SGCZ: variants seen among roughly 807,000 people sequenced by gnomAD.
SGCZ encodes the protein zeta-sarcoglycan.
Under a neutral mutation model 41.3 loss-of-function variants are expected in SGCZ, and 40 were observed. That is an observed-to-expected ratio of 0.97 (90% CI 0.75 to 1.26). The LOEUF (loss-of-function observed/expected upper bound fraction) is 1.26, where lower values mean the gene tolerates loss of function less well. SGCZ is among the 50% of genes most tolerant of loss of function. SGCZ has a pLI of 0.00. For synonymous variants in SGCZ, 206 were observed against 137.5 expected (o/e 1.50, Z -3.49); for missense variants, 552 against 369.8 (o/e 1.49, Z -4.04).
chr8:14,274,624 C>T (rs184341304), intron 3 of SGCZ, among the ~76,000 whole-genome samples: 14 of 152,212 alleles, frequency 9.2e-5, no homozygotes, highest in East Asian at 5.8e-4. Flanking sequence ...AGTCCAGATA[C>T]GAGCTTATGG....
At chr8:14,521,898 T>G (rs1370220314) in intron 2 of SGCZ, among the ~76,000 whole-genome samples, 1 of 152,116 alleles carries the variant, frequency 6.6e-6, no homozygotes, top group East Asian at 1.9e-4. Context: ...GTAAGTTTGC[T>G]GTAGATGCTG....
intron 5 of SGCZ, among the ~76,000 whole-genome samples, chr8:14,146,665 G>C (rs934106765): frequency 2.6e-5 from 4 of 151,900 alleles, no homozygotes; most frequent in Admixed American, 2.6e-4. Flanking sequence ...GAGGTCAGGA[G>C]ATCGAGACCA....
chr8:14,308,965 T>C, intron 3 of SGCZ: 1 of 668,198 alleles, frequency 1.5e-6, no homozygotes. Flanking sequence ...ACTTCAGAGT[T>C]TCAGTGTCTT....
intron 5 of SGCZ, among the ~76,000 whole-genome samples, chr8:14,123,747 C>T (rs1405674222): frequency 6.6e-6 from 1 of 152,152 alleles, no homozygotes; most frequent in East Asian, 1.9e-4. Flanking sequence ...ATCTCCCCTG[C>T]CCTCAATGGT....
intron 1 of SGCZ, among the ~76,000 whole-genome samples, chr8:14,599,735 T>A (rs1367451452): frequency 6.6e-6 from 1 of 152,226 alleles, no homozygotes; most frequent in African/African-American, 2.4e-5. Flanking sequence ...CCTCTACTCT[T>A]TCTTTTTACT....
At chr8:14,259,085 G>T (rs891513761) in intron 3 of SGCZ, among the ~76,000 whole-genome samples, 1 of 152,052 alleles carries the variant, frequency 6.6e-6, no homozygotes, top group Non-Finnish European at 1.5e-5. Flanking sequence ...ATGAAAAAAG[G>T]CATTTAGCCT....
chr8:15,210,534 T>A (rs1362522436), intron 1 of SGCZ, among the ~76,000 whole-genome samples: 1 of 152,188 alleles, frequency 6.6e-6, no homozygotes, highest in East Asian at 1.9e-4. Flanking sequence ...ACCTGGCTCT[T>A]GGCTGTCTTC....
At chr8:14,398,095 A>G (rs1798969862) in intron 2 of SGCZ, among the ~76,000 whole-genome samples, 2 of 152,254 alleles carry the variant, frequency 1.3e-5, no homozygotes, top group South Asian at 4.1e-4. Flanking sequence ...GTGACCCTCA[A>G]TTGACATCAA....
chr8:14,601,444 G>C (rs1585115290), intron 1 of SGCZ, among the ~76,000 whole-genome samples: 1 of 149,046 alleles, frequency 6.7e-6, no homozygotes, highest in South Asian at 2.2e-4. Context: ...GTTTCTTGAA[G>C]TTGGTTCCTT....
chr8:14,178,165 G>A (rs529852536), intron 4 of SGCZ, among the ~76,000 whole-genome samples: 188 of 151,538 alleles, frequency 1.2e-3, no homozygotes, highest in Non-Finnish European at 1.7e-3. Context: ...TGTTGGCCAG[G>A]CTGGTCTCGA....
chr8:14,821,739 G>C (rs80147781), intron 1 of SGCZ, among the ~76,000 whole-genome samples: 6,335 of 151,842 alleles, frequency 0.042, 207 homozygotes, highest in African/African-American at 0.096. Context: ...AATAGAGGCA[G>C]AAAAAGCATT....
At chr8:14,205,068 T>A (rs937728088) in intron 4 of SGCZ, among the ~76,000 whole-genome samples, 4 of 152,230 alleles carry the variant, frequency 2.6e-5, no homozygotes, top group African/African-American at 9.6e-5. Flanking sequence ...TCTATACTAT[T>A]GGTTTTCTCT....
At chr8:14,571,569 T>A (rs1563123204) in intron 1 of SGCZ, among the ~76,000 whole-genome samples, 1 of 150,974 alleles carries the variant, frequency 6.6e-6, no homozygotes, top group Non-Finnish European at 1.5e-5. Context: ...ATGTATAAAT[T>A]TTTTTTTCTG....
chr8:14,087,046 G>T lies in SGCZ; in HGVS notation c.*3397C>A, dbSNP rs921887845. Among the ~76,000 whole-genome samples, 8 of 150,884 alleles carry T rather than the reference G, an allele frequency of 5.3e-5. No homozygotes were observed. Among genetic ancestry groups the T allele is most frequent in the African/African-American group, 1.7e-4 (7 of 41,320 alleles). ...GGCAGAACTAGAACTGGAATTGCTGGCTCCATTTTCCGAGATTTGAAGTAC... is the reference window on the plus strand; with the variant it reads ...GGCAGAACTAGAACTGGAATTGCTGTCTCCATTTTCCGAGATTTGAAGTAC... On this transcript the variant is annotated 3_prime_UTR_variant, in exon 8 of 8. Coordinates refer to ENST00000382080, the MANE Select transcript of SGCZ (RefSeq NM_139167.4).
intron 4 of SGCZ, among the ~76,000 whole-genome samples, chr8:14,165,814 A>G (rs1015277070): frequency 4.6e-5 from 7 of 152,112 alleles, no homozygotes; most frequent in Non-Finnish European, 1.0e-4. Context: ...AAACATCCTT[A>G]AATTGGGAGA....
intron 1 of SGCZ, among the ~76,000 whole-genome samples, chr8:14,776,587 G>C (rs1230161559): frequency 2.2e-5 from 3 of 134,316 alleles, no homozygotes; most frequent in Non-Finnish European, 4.6e-5. Flanking sequence ...TCAGCCTCCC[G>C]GGTTCAGGCC....
chr8:15,119,793 A>G (rs1476368774), intron 1 of SGCZ, among the ~76,000 whole-genome samples: 1 of 152,008 alleles, frequency 6.6e-6, no homozygotes, highest in East Asian at 1.9e-4. Context: ...ATCTGGCCCT[A>G]ACACTTCTCA....
At chr8:14,140,103 C>A (rs1273624804) in intron 5 of SGCZ, among the ~76,000 whole-genome samples, 1 of 152,074 alleles carries the variant, frequency 6.6e-6, no homozygotes, top group Non-Finnish European at 1.5e-5. Context: ...GCAGAAAATA[C>A]CTTCGACAAA....
chr8:14,859,788 AATG>A (rs1803658623), intron 1 of SGCZ, among the ~76,000 whole-genome samples: 1 of 152,158 alleles, frequency 6.6e-6, no homozygotes, highest in South Asian at 2.1e-4. Flanking sequence ...CTAAAAAGGA[AATG>A]ATATTGGAAT....
Sources: gnomAD v4.1 joint callset for allele counts (sites outside exome capture counted in the v4.1 genomes callset) on GRCh38, gnomAD v4.1.1 for gene constraint, MANE v1.5 for transcripts, NCBI Gene and HGNC (gene_info 2026-07-23, HGNC 2026-07-21) for gene names.